APOE: variants seen among roughly 807,000 people sequenced by gnomAD.
APOE encodes apolipoprotein E.
In APOE, 10 loss-of-function variants were observed where a neutral mutation model predicts 13.1. The observed-to-expected ratio is 0.76, with a 90% CI of 0.47 to 1.29. The LOEUF is 1.29. Among genes scored for constraint, APOE ranks in the 50% most tolerant of loss-of-function variants. APOE has a pLI of 0.00. For synonymous variants in APOE, 211 were observed against 207.1 expected (o/e 1.02, Z -0.16); for missense variants, 471 against 459.6 (o/e 1.02, Z -0.23).
rs1599952000 is a variant in APOE, at chr19:44,907,857, A to G, written c.141A>G (p.Ala47=). 2 of 1,614,020 alleles carry G rather than the reference A, an allele frequency of 1.2e-6. No individual in the cohort carries two copies. Among genetic ancestry groups the G allele is most frequent in the South Asian group, 2.2e-5 (2 of 91,084 alleles). ...AGAGCGGCCAGCGCTGGGAACTGGCACTGGGTCGCTTTTGGGATTACCTGC... is the reference window on the plus strand; with the variant it reads ...AGAGCGGCCAGCGCTGGGAACTGGCGCTGGGTCGCTTTTGGGATTACCTGC... ...EWQSGQRWEL[A]LGRFWDYLRW... is the part of the protein sequence containing the mutation. The change falls in exon 3 of 4, where the codon GCA becomes GCG. Residue 47 remains alanine (A), a synonymous_variant. Transcript: ENST00000252486. This position sits in a 1 kb window ranked among gnomAD's most constrained non-coding sequence, Gnocchi z 4.1.
chr19:44,905,897 G>A, intron 1 of APOE, 56 bp downstream of exon 1: 3 of 1,296,926 alleles, frequency 2.3e-6, no homozygotes, highest in Non-Finnish European at 3.0e-6. Flanking sequence ...AGAAAGAGCT[G>A]GGACCCTGGG....
In APOE at chr19:44,908,730, G is replaced by C. The variant is rs267606664; in HGVS notation, c.434G>C (p.Gly145Ala). 6.4e-7 allele frequency: 1 copy of C among 1,560,414 alleles called. No individual in the cohort carries two copies. The highest frequency in any genetic ancestry group is 1.9e-5 in the Admixed American group (1 of 51,836). The part of the protein sequence containing the change: ...QYRGEVQAML[G>A]QSTEELRVRL... ...CGCGGCGAGGTGCAGGCCATGCTCG[G>C]CCAGAGCACCGAGGAGCTGCGGGTG... The change falls in exon 4 of 4, where the codon GGC (glycine) becomes GCC (alanine). Residue 145 changes from glycine (G) to alanine (A), a missense_variant. Coordinates refer to ENST00000252486, the MANE Select transcript of APOE (RefSeq NM_000041.4).
chr19:44,908,852 G>A lies in APOE; in HGVS notation c.556G>A (p.Glu186Lys), dbSNP rs1969871875. 3.3e-6 allele frequency: 5 copies of A among 1,525,240 alleles called. No individual in the cohort carries two copies. Among genetic ancestry groups the A allele is most frequent in the Non-Finnish European group, 4.4e-6 (5 of 1,141,156 alleles). The allele number at this position is 1,525,240 out of a possible 1,614,324, so 94.5% of individuals were successfully genotyped here. A position where few individuals can be genotyped will look rare whatever the true frequency, so the allele number is the denominator to read the frequency against. Reference sequence around the variant, plus strand: ...GGCAGTGTACCAGGCCGGGGCCCGCGAGGGCGCCGAGCGCGGCCTCAGCGC... The same window carrying A: ...GGCAGTGTACCAGGCCGGGGCCCGCAAGGGCGCCGAGCGCGGCCTCAGCGC... The part of the protein sequence containing the change: ...RLAVYQAGAR[E>K]GAERGLSAIR... Residue 186 changes from glutamate to lysine, a missense_variant, in exon 4 of 4, where the codon GAG (glutamate) becomes AAG (lysine). By Grantham distance (56) the Glu-to-Lys change is moderately conservative. Transcript: ENST00000252486.
At position 44,908,701 on chromosome 19, in the gene APOE, G is replaced by A. The variant is rs757148922; in HGVS notation, c.405G>A (p.Gln135=). 3 of 1,561,012 alleles carry A rather than the reference G, an allele frequency of 1.9e-6. No homozygotes were observed. Among genetic ancestry groups the A allele is most frequent in the East Asian group, 4.8e-5 (2 of 41,586 alleles). Residue 135 remains glutamine, a synonymous_variant, in exon 4 of 4, where the codon CAG becomes CAA. Coordinates refer to ENST00000252486, the MANE Select transcript of APOE (RefSeq NM_000041.4). ...AGGACGTGTGCGGCCGCCTGGTGCA[G>A]TACCGCGGCGAGGTGCAGGCCATGC... ...DMEDVCGRLV[Q]YRGEVQAMLG...
chr19:44,908,811 A>T lies in APOE; in HGVS notation c.515A>T (p.Asp172Val). 1 of 1,545,394 alleles carries T rather than the reference A, an allele frequency of 6.5e-7. No homozygotes were observed. The highest frequency in any genetic ancestry group is 8.7e-7 in the Non-Finnish European group (1 of 1,150,250). ...LRKRLLRDAD[D>V]LQKRLAVYQA... ...AAGCGGCTCCTCCGCGATGCCGATGACCTGCAGAAGCGCCTGGCAGTGTAC... is the reference window on the plus strand; with the variant it reads ...AAGCGGCTCCTCCGCGATGCCGATGTCCTGCAGAAGCGCCTGGCAGTGTAC... Residue 172 changes from aspartate (D) to valine (V), a missense_variant, in exon 4 of 4, where the codon GAC (aspartate) becomes GTC (valine). Transcript: ENST00000252486.
At position 44,905,861 on chromosome 19, in the gene APOE, G is replaced by C. The variant is rs937682555; in HGVS notation, c.-24+20G>C. Reference sequence around the variant, plus strand: ...GAGCCGGTGAGAAGCGCAGTCGGGGGCACGGGGATGAGCTCAGGGGCCTCT... The same window carrying C: ...GAGCCGGTGAGAAGCGCAGTCGGGGCCACGGGGATGAGCTCAGGGGCCTCT... On this transcript the variant is annotated intron_variant, in intron 1 of 3. Transcript: ENST00000252486. 4.6e-6 allele frequency: 6 copies of C among 1,295,648 alleles called. No homozygotes were observed. Among genetic ancestry groups the C allele is most frequent in the South Asian group, 2.5e-5 (2 of 80,410 alleles). 80.3% of individuals were successfully genotyped at this position (1,295,648 alleles called of 1,614,324 possible).
In APOE at chr19:44,908,441, G is replaced by GTC. The variant is rs769454; in HGVS notation, c.237-86_237-85dup. The GTC allele has an allele frequency of 5.1e-5, 67 of 1,313,380 alleles. No homozygotes were observed. In the Admixed American group the frequency reaches 1.1e-3, roughly 22 times the overall value. The allele number at this position is 1,313,380 out of a possible 1,614,324, so 81.4% of individuals were successfully genotyped here. A position where few individuals can be genotyped will look rare whatever the true frequency, so the allele number is the denominator to read the frequency against. Reference sequence around the variant, plus strand: ...GCCCCGTTCCTTCTCTCCCTCTTGGGTCTCTCTGGCTCATCCCCATCTCGC... The same window carrying GTC: ...GCCCCGTTCCTTCTCTCCCTCTTGGGTCTCTCTCTGGCTCATCCCCATCTCGC... On this transcript the variant is annotated intron_variant, in intron 3 of 3. Transcript: ENST00000252486.
rs1969819645 is a variant in APOE at position 44,906,903 on chromosome 19, T to C, written c.43+236T>C. 8 of 578,194 alleles carry C rather than the reference T, an allele frequency of 1.4e-5. No homozygotes were observed. The Admixed American group carries it at 2.4e-4, about 17-fold the overall frequency. 35.8% of individuals were successfully genotyped at this position (578,194 alleles called of 1,614,324 possible). A position where few individuals can be genotyped will look rare whatever the true frequency, so the allele number is the denominator to read the frequency against. Reference sequence around the variant, plus strand: ...TTGTTGTTGTTTTGTTTTTTTGAGATGAAGTCTCGCTCTGTCGCCCAGGCT... The same window carrying C: ...TTGTTGTTGTTTTGTTTTTTTGAGACGAAGTCTCGCTCTGTCGCCCAGGCT... On this transcript the variant is annotated intron_variant, in intron 2 of 3. Transcript: ENST00000252486.
chr19:44,908,066 T>C, intron 3 of APOE, 114 bp downstream of exon 3: 1 of 1,005,920 alleles, frequency 9.9e-7, no homozygotes, highest in East Asian at 2.6e-5. Flanking sequence ...TCTCTGCTGG[T>C]TCTAGCTTCC....
Position 44,909,111 on chromosome 19 carries a change from C to T in APOE, c.815C>T (p.Ala272Val). Residue 272 changes from alanine (A) to valine (V), a missense_variant, in exon 4 of 4, where the codon GCC becomes GTC. By Grantham distance (64) the Ala-to-Val change is moderately conservative. Transcript: ENST00000252486. ...CAGGCCCAGCAGATACGCCTGCAGG[C>T]CGAGGCCTTCCAGGCCCGCCTCAAG... The part of the protein sequence containing the change: ...EEQAQQIRLQ[A>V]EAFQARLKSW... 6.3e-7 allele frequency: 1 copy of T among 1,590,272 alleles called. No homozygotes were observed. The highest frequency in any genetic ancestry group is 8.5e-7 in the Non-Finnish European group (1 of 1,173,682).
intron 3 of APOE, 126 bp downstream of exon 3, chr19:44,908,078 C>T (rs79684409): frequency 1.1e-6 from 1 of 882,626 alleles, no homozygotes; most frequent in East Asian, 2.6e-5. Flanking sequence ...CTAGCTTCCT[C>T]TTCCCATTTC....
intron 2 of APOE, 124 bp downstream of exon 2, chr19:44,906,791 C>A: frequency 2.2e-6 from 2 of 921,940 alleles, no homozygotes; most frequent in Non-Finnish European, 3.5e-6. Context: ...TGCTTCCTGG[C>A]TCTGAACAGC....
intron 2 of APOE, 37 bp downstream of exon 2, chr19:44,906,704 TC>T: frequency 6.2e-7 from 1 of 1,603,840 alleles, no homozygotes; most frequent in Non-Finnish European, 8.5e-7. Flanking sequence ...CCCCCGCTCC[TC>T]CCCCTCTCAT....
Position 44,905,820 on chromosome 19 carries a change from G to C in APOE, c.-45G>C. The C allele has an allele frequency of 2.3e-6, 3 of 1,294,784 alleles. No individual in the cohort carries two copies. Among genetic ancestry groups the C allele is most frequent in the Non-Finnish European group, 3.1e-6 (3 of 983,326 alleles). 80.2% of individuals were successfully genotyped at this position (1,294,784 alleles called of 1,614,324 possible). On this transcript the variant is annotated 5_prime_UTR_variant, in exon 1 of 4. Transcript: ENST00000252486. ...CCTACTCAGCCCCAGCGGAGGTGAAGGACGTCCTTCCCCAGGAGCCGGTGA... is the reference window on the plus strand; with the variant it reads ...CCTACTCAGCCCCAGCGGAGGTGAACGACGTCCTTCCCCAGGAGCCGGTGA...
chr19:44,908,662 G>T lies in APOE; in HGVS notation c.366G>T (p.Leu122=), dbSNP rs765437285. The T allele has an allele frequency of 6.3e-7, 1 of 1,584,742 alleles. No homozygotes were observed. The highest frequency in any genetic ancestry group is 8.6e-7 in the Non-Finnish European group (1 of 1,165,920). ...SKELQAAQAR[L]GADMEDVCGR... The stretch of plus-strand genomic sequence containing the variant: ...AGCTGCAGGCGGCGCAGGCCCGGCT[G>T]GGCGCGGACATGGAGGACGTGTGCG... The change falls in exon 4 of 4, where the codon CTG becomes CTT. Residue 122 remains leucine, a synonymous_variant. Coordinates refer to ENST00000252486, the MANE Select transcript of APOE (RefSeq NM_000041.4).
At position 44,908,805 on chromosome 19, in the gene APOE, C is replaced by A; in HGVS notation, c.509C>A (p.Ala170Asp). Residue 170 changes from alanine (A) to aspartate (D), a missense_variant, in exon 4 of 4, where the codon GCC becomes GAC. Ala to Asp is a moderately radical substitution (Grantham distance 126). Coordinates refer to ENST00000252486, the MANE Select transcript of APOE (RefSeq NM_000041.4). ...RKLRKRLLRD[A>D]DDLQKRLAVY... is the part of the protein sequence containing the mutation. The stretch of plus-strand genomic sequence containing the variant: ...CTGCGTAAGCGGCTCCTCCGCGATG[C>A]CGATGACCTGCAGAAGCGCCTGGCA... The A allele has an allele frequency of 6.5e-7, 1 of 1,547,900 alleles. No homozygotes were observed. The highest frequency in any genetic ancestry group is 8.7e-7 in the Non-Finnish European group (1 of 1,151,104).
intron 3 of APOE, 149 bp from the exon 4 acceptor site, chr19:44,908,384 G>GCATCTGCTCTCTA: frequency 2.4e-6 from 2 of 816,950 alleles, no homozygotes; most frequent in Non-Finnish European, 4.0e-6. Flanking sequence ...TCTGCTCTCT[G>GCATCTGCTCTCTA]CATCTGTCTC....
chr19:44,906,660 C>T lies in APOE; in HGVS notation c.36C>T (p.Phe12=), dbSNP rs1381224336. Residue 12 remains phenylalanine, a synonymous_variant, in exon 2 of 4, where the codon TTC becomes TTT. Coordinates refer to ENST00000252486, the MANE Select transcript of APOE (RefSeq NM_000041.4). ...TGTGGGCTGCGTTGCTGGTCACATT[C>T]CTGGCAGGTATGGGGGCGGGGCTTG... ...KVLWAALLVT[F]LAGCQAKVEQ... is the part of the protein sequence containing the mutation. 1 of 1,614,058 alleles carries T rather than the reference C, an allele frequency of 6.2e-7. No homozygotes were observed. Among genetic ancestry groups the T allele is most frequent in the Non-Finnish European group, 8.5e-7 (1 of 1,179,990 alleles).
Position 44,908,857 on chromosome 19 carries a change from C to A in APOE, c.561C>A (p.Gly187=). The A allele has an allele frequency of 6.6e-7, 1 of 1,522,944 alleles. No individual in the cohort carries two copies. The highest frequency in any genetic ancestry group is 1.4e-5 in the African/African-American group (1 of 72,080). 94.3% of individuals were successfully genotyped at this position (1,522,944 alleles called of 1,614,324 possible). Residue 187 remains glycine (G), a synonymous_variant, in exon 4 of 4, where the codon GGC becomes GGA. Transcript: ENST00000252486. ...TGTACCAGGCCGGGGCCCGCGAGGG[C>A]GCCGAGCGCGGCCTCAGCGCCATCC... is the stretch of plus-strand genomic sequence containing the variant. ...LAVYQAGARE[G]AERGLSAIRE...
Sources: gnomAD v4.1 joint callset for allele counts on GRCh38, gnomAD v4.1.1 for gene constraint, Gnocchi (gnomAD v3.1) non-coding constraint, MANE v1.5 for transcripts, NCBI Gene and HGNC (gene_info 2026-07-23, HGNC 2026-07-21) for gene names.